CFTR: variants seen among roughly 807,000 people sequenced by gnomAD.
The protein encoded by CFTR is cystic fibrosis transmembrane conductance regulator.
CFTR carries 181 observed loss-of-function variants against 171.6 expected under a neutral mutation model. The ratio of observed to expected loss-of-function variants is 1.05; its 90% CI spans 0.93 to 1.19. The LOEUF (loss-of-function observed/expected upper bound fraction) is 1.19, where lower values mean the gene tolerates loss of function less well. Among genes scored for constraint, CFTR ranks in the 50% most tolerant of loss-of-function variants. The pLI is 0.00. For synonymous variants in CFTR, 583 were observed against 608.0 expected (o/e 0.96, Z 0.60); for missense variants, 1,968 against 1,734.7 (o/e 1.13, Z -2.39).
At chr7:117,624,153 C>T (rs993971149) in intron 21 of CFTR, among the ~76,000 whole-genome samples, 10 of 152,256 alleles carry the variant, frequency 6.6e-5, no homozygotes, top group Admixed American at 2.6e-4. Context: ...TATTTGAGCA[C>T]GCATTCCACT....
intron 1 of CFTR, among the ~76,000 whole-genome samples, chr7:117,492,269 A>G (rs1798171381): frequency 6.6e-6 from 1 of 152,058 alleles, no homozygotes; most frequent in Non-Finnish European, 1.5e-5. Context: ...GAGAAGAAAC[A>G]TTATTAAAGA....
At chr7:117,610,129 C>T (rs1387722411) in intron 18 of CFTR, among the ~76,000 whole-genome samples, 7 of 148,844 alleles carry the variant, frequency 4.7e-5, no homozygotes, top group Admixed American at 1.4e-4. Flanking sequence ...AGTAAACTAT[C>T]GCAAGAACAA....
chr7:117,623,864 C>G (rs543733046), intron 21 of CFTR, among the ~76,000 whole-genome samples: 4 of 152,150 alleles, frequency 2.6e-5, no homozygotes, highest in African/African-American at 9.7e-5. Context: ...ACGCTTTGAA[C>G]GAGGTTACTA....
chr7:117,649,515 A>T (rs58970500), intron 23 of CFTR, among the ~76,000 whole-genome samples: 1,513 of 71,280 alleles, frequency 0.021, 26 homozygotes, highest in African/African-American at 0.18. Flanking sequence ...ATATATATAT[A>T]TATATTTTTT....
At chr7:117,578,641 A>G (rs1480902223) in intron 11 of CFTR, among the ~76,000 whole-genome samples, 5 of 152,096 alleles carry the variant, frequency 3.3e-5, no homozygotes, top group Admixed American at 3.3e-4. Flanking sequence ...TAGATGTACT[A>G]TATTTATAAA....
chr7:117,595,184 C>A, intron 15 of CFTR, 126 bp downstream of exon 15: 2 of 691,940 alleles, frequency 2.9e-6, no homozygotes, highest in Non-Finnish European at 2.5e-6. Flanking sequence ...TATAAGTATG[C>A]ATATATACAC....
At chr7:117,611,228 C>A (rs886195913) in intron 19 of CFTR, among the ~76,000 whole-genome samples, 2 of 152,024 alleles carry the variant, frequency 1.3e-5, no homozygotes, top group African/African-American at 4.8e-5. Context: ...GTCACATAAA[C>A]TTCCTTAATT....
At chr7:117,531,604 G>A (rs1798867961) in intron 4 of CFTR, among the ~76,000 whole-genome samples, 1 of 152,088 alleles carries the variant, frequency 6.6e-6, no homozygotes, top group African/African-American at 2.4e-5. Context: ...CATCCTATGA[G>A]CCCTACAAAT....
intron 23 of CFTR, 76 bp downstream of exon 23, chr7:117,642,669 A>G: frequency 1.4e-6 from 2 of 1,451,366 alleles, no homozygotes; most frequent in Non-Finnish European, 1.9e-6. Context: ...TGTACTCAAG[A>G]AATTCATATT....
chr7:117,613,553 G>C (rs994005886), intron 20 of CFTR, among the ~76,000 whole-genome samples: 2 of 151,946 alleles, frequency 1.3e-5, no homozygotes, highest in African/African-American at 4.8e-5. Context: ...TATAGTGCCT[G>C]GTCCATGGTA....
rs1793420844 is a variant in CFTR at position 117,668,440 on chromosome 7, G to C, written c.*1332G>C. On this transcript the variant is annotated 3_prime_UTR_variant, in exon 27 of 27. Transcript: ENST00000003084. The stretch of plus-strand genomic sequence containing the variant: ...GGGGCCATGAATCACCTTTTGGTCT[G>C]GAGGGAAGCCTTGGGGCTGATGCAG... 6.6e-6 allele frequency: 1 copy of C among 152,468 alleles called. No homozygotes were observed. The highest frequency in any genetic ancestry group is 2.1e-4 in the South Asian group (1 of 4,832). 9.4% of individuals were successfully genotyped at this position (152,468 alleles called of 1,614,324 possible).
chr7:117,544,701 A>T (rs1263157895), intron 9 of CFTR, among the ~76,000 whole-genome samples: 1 of 152,182 alleles, frequency 6.6e-6, no homozygotes, highest in Non-Finnish European at 1.5e-5. Flanking sequence ...TTCAAGTTAA[A>T]CAATTTCTTT....
intron 9 of CFTR, among the ~76,000 whole-genome samples, chr7:117,548,333 GGTGTGTGTGTGTGT>G (rs3034794): frequency 6.9e-6 from 1 of 144,078 alleles, no homozygotes; most frequent in Non-Finnish European, 1.5e-5. Context: ...AGGAGAAGAG[GGTGTGTGTGTGTGT>G]GTGTGTGTGT....
At chr7:117,652,188 G>A (rs1164315958) in intron 23 of CFTR, among the ~76,000 whole-genome samples, 1 of 152,096 alleles carries the variant, frequency 6.6e-6, no homozygotes, top group Non-Finnish European at 1.5e-5. Context: ...GCTCCATGCA[G>A]GGAATTAGAT....
In CFTR at chr7:117,494,103, A is replaced by G. The variant is rs182847416; in HGVS notation, c.54-10150A>G. Among the ~76,000 whole-genome samples the G allele has an allele frequency of 2.0e-4, 31 of 152,258 alleles. No individual in the cohort carries two copies. The East Asian group carries it at 6.0e-3, about 29-fold the overall frequency. ...AAAAATCACCAGCTTTGTCATTGTGATGCAGCATCAGTTTCAGTATTATCC... is the reference window on the plus strand; with the variant it reads ...AAAAATCACCAGCTTTGTCATTGTGGTGCAGCATCAGTTTCAGTATTATCC... On this transcript the variant is annotated intron_variant, in intron 1 of 26. Transcript: ENST00000003084.
chr7:117,644,479 T>C (rs6968747), intron 23 of CFTR, among the ~76,000 whole-genome samples: 10,764 of 152,206 alleles, frequency 0.071, 601 homozygotes, highest in African/African-American at 0.15. Context: ...TTTGCTTTTC[T>C]GTTTTTTTCT....
intron 4 of CFTR, among the ~76,000 whole-genome samples, chr7:117,531,964 C>T (rs888477981): frequency 2.0e-5 from 3 of 151,894 alleles, no homozygotes; most frequent in Admixed American, 6.6e-5. Flanking sequence ...TGAAATCTGC[C>T]TCTAGCAAAT....
chr7:117,634,466 G>A (rs868627550), intron 22 of CFTR, among the ~76,000 whole-genome samples: 16 of 151,862 alleles, frequency 1.1e-4, no homozygotes, highest in Middle Eastern at 6.8e-3. Flanking sequence ...TGTTGATTTC[G>A]TGATTTCAAT....
At chr7:117,548,497 G>A in intron 9 of CFTR, 144 bp from the exon 10 acceptor site, 1 of 1,441,348 alleles carries the variant, frequency 6.9e-7, no homozygotes, top group African/African-American at 1.4e-5. Context: ...GTACTATAAA[G>A]TAATAATGTA....
Sources: gnomAD v4.1 joint callset for allele counts (sites outside exome capture counted in the v4.1 genomes callset) on GRCh38, gnomAD v4.1.1 for gene constraint, MANE v1.5 for transcripts, NCBI Gene and HGNC (gene_info 2026-07-23, HGNC 2026-07-21) for gene names.